The following C12orf75 variants were observed in gnomAD, a reference collection of about 807,000 sequenced individuals.
C12orf75 encodes overexpressed in colon carcinoma 1 protein.
A neutral mutation model predicts 11.4 loss-of-function variants in C12orf75; 4 were observed. The ratio of observed to expected loss-of-function variants is 0.35; its 90% CI spans 0.17 to 0.80. C12orf75 has a LOEUF of 0.80. Among genes scored for constraint, C12orf75 ranks in the 30% least tolerant of loss-of-function variants. The pLI is 0.52. For synonymous variants in C12orf75, 30 were observed against 30.0 expected (o/e 1.00, Z 0.00); for missense variants, 89 against 80.4 (o/e 1.11, Z -0.41).
chr12:105,337,499 C>T (rs1450300188), intron 1 of C12orf75, among the ~76,000 whole-genome samples: 1 of 151,986 alleles, frequency 6.6e-6, no homozygotes, highest in African/African-American at 2.4e-5. Flanking sequence ...GGAATTGGAA[C>T]AATTGATTGG....
intron 1 of C12orf75, among the ~76,000 whole-genome samples, chr12:105,343,249 A>G (rs1892595303): frequency 2.0e-5 from 3 of 152,144 alleles, no homozygotes; most frequent in Admixed American, 1.3e-4. Context: ...CACAAGAAAC[A>G]TTGTTACCTT....
chr12:105,332,933 A>C (rs1487687491), intron 1 of C12orf75, among the ~76,000 whole-genome samples: 1 of 151,522 alleles, frequency 6.6e-6, no homozygotes, highest in Non-Finnish European at 1.5e-5. Context: ...TCATATTGAA[A>C]AAAAAAAAAA....
chr12:105,368,278 C>T (rs901554661), intron 5 of C12orf75, among the ~76,000 whole-genome samples: 5 of 152,188 alleles, frequency 3.3e-5, no homozygotes, highest in African/African-American at 1.2e-4. Flanking sequence ...GCTGGGCTCT[C>T]CACTGTATTT....
chr12:105,348,583 A>G lies in C12orf75; in HGVS notation c.47-19A>G, dbSNP rs895453393. 10 of 1,521,446 alleles carry G rather than the reference A, an allele frequency of 6.6e-6. No homozygotes were observed. The African/African-American group carries it at 9.7e-5, about 15-fold the overall frequency. The allele number at this position is 1,521,446 out of a possible 1,614,324, so 94.2% of individuals were successfully genotyped here. On this transcript the variant is annotated intron_variant, in intron 1 of 5. Transcript: ENST00000443585. ...AATACTATCACACCAATACAAACCT[A>G]TCTTCTTTTTTTCTCTAGGCCCTGC...
chr12:105,330,917 C>G lies in C12orf75; in HGVS notation c.26C>G (p.Thr9Ser). MGCGNSTA[T>S]SAGAGQGPAG... is the part of the protein sequence containing the mutation. ...ATGGGCTGCGGGAACTCCACCGCCACCAGCGCGGGCGCGGGCCAAGGTGAG... is the reference window on the plus strand; with the variant it reads ...ATGGGCTGCGGGAACTCCACCGCCAGCAGCGCGGGCGCGGGCCAAGGTGAG... The change falls in exon 1 of 6, where the codon ACC becomes AGC. Residue 9 changes from threonine (T) to serine (S), a missense_variant. Coordinates refer to ENST00000443585, the MANE Select transcript of C12orf75 (RefSeq NM_001145199.2). 8.1e-7 allele frequency: 1 copy of G among 1,242,000 alleles called. No homozygotes were observed. Among genetic ancestry groups the G allele is most frequent in the East Asian group, 3.2e-5 (1 of 31,684 alleles). 76.9% of individuals were successfully genotyped at this position (1,242,000 alleles called of 1,614,324 possible). A position where few individuals can be genotyped will look rare whatever the true frequency, so the allele number is the denominator to read the frequency against.
At chr12:105,334,568 A>G (rs1279882282) in intron 1 of C12orf75, among the ~76,000 whole-genome samples, 2 of 152,238 alleles carry the variant, frequency 1.3e-5, no homozygotes, top group African/African-American at 4.8e-5. Flanking sequence ...CTGCAACTAT[A>G]TAAAGGATGC....
chr12:105,340,510 C>T (rs1031178161), intron 1 of C12orf75, among the ~76,000 whole-genome samples: 17 of 151,550 alleles, frequency 1.1e-4, no homozygotes, highest in East Asian at 1.9e-4. Context: ...AATAAAGTTC[C>T]GTTTGTGTCG....
intron 1 of C12orf75, among the ~76,000 whole-genome samples, chr12:105,347,132 C>A (rs1366797411): frequency 6.6e-6 from 1 of 152,118 alleles, no homozygotes; most frequent in Non-Finnish European, 1.5e-5. Flanking sequence ...CCTGTGCCTC[C>A]CAGATAAAGA....
intron 2 of C12orf75, among the ~76,000 whole-genome samples, chr12:105,349,861 A>G (rs998802267): frequency 1.3e-5 from 2 of 152,154 alleles, no homozygotes; most frequent in Non-Finnish European, 2.9e-5. Flanking sequence ...TGGGTGACAG[A>G]GCCAGACTCT....
intron 2 of C12orf75, among the ~76,000 whole-genome samples, chr12:105,359,129 T>C (rs1892824680): frequency 6.6e-6 from 1 of 152,196 alleles, no homozygotes; most frequent in African/African-American, 2.4e-5. Flanking sequence ...GCACCAACGT[T>C]TGACTCCATG....
intron 2 of C12orf75, 84 bp downstream of exon 2, chr12:105,348,710 T>A (rs1421623204): frequency 2.4e-6 from 2 of 843,988 alleles, no homozygotes; most frequent in Admixed American, 5.7e-5. Flanking sequence ...TAGATCTCTG[T>A]GGGTATGGCT....
intron 2 of C12orf75, among the ~76,000 whole-genome samples, chr12:105,364,525 G>A (rs1334748482): frequency 6.6e-6 from 1 of 152,116 alleles, no homozygotes; most frequent in Non-Finnish European, 1.5e-5. Flanking sequence ...ACTGGCTGTT[G>A]CAATAAAGCA....
At position 105,365,784 on chromosome 12, in the gene C12orf75, A is replaced by T. The variant is rs142456456; in HGVS notation, c.72-23A>T. ...CCGACTATGTAACCAAGTGTCTCATAGCAAATGTTTCTGACCTTTTAGAAC... is the reference window on the plus strand; with the variant it reads ...CCGACTATGTAACCAAGTGTCTCATTGCAAATGTTTCTGACCTTTTAGAAC... On this transcript the variant is annotated intron_variant, in intron 2 of 5. Transcript: ENST00000443585. 4.6e-4 allele frequency: 699 copies of T among 1,535,380 alleles called. 4 individuals carry two copies. In the African/African-American group the frequency reaches 7.9e-3, roughly 17 times the overall value.
intron 2 of C12orf75, among the ~76,000 whole-genome samples, chr12:105,351,604 C>T (rs1240416921): frequency 1.3e-5 from 2 of 152,028 alleles, no homozygotes; most frequent in African/African-American, 4.8e-5. Flanking sequence ...GAATTTAATG[C>T]TGGTCTTGGA....
At chr12:105,364,497 C>T (rs1425565663) in intron 2 of C12orf75, among the ~76,000 whole-genome samples, 1 of 152,040 alleles carries the variant, frequency 6.6e-6, no homozygotes, top group African/African-American at 2.4e-5. Flanking sequence ...CACTTTCCTT[C>T]TTTATAGACT....
intron 5 of C12orf75, among the ~76,000 whole-genome samples, chr12:105,370,323 G>A (rs1328037530): frequency 2.6e-5 from 4 of 152,148 alleles, no homozygotes; most frequent in African/African-American, 4.8e-5. Context: ...AATTGTGACC[G>A]AACAGTCTCT....
At chr12:105,353,317 G>A (rs1892737451) in intron 2 of C12orf75, among the ~76,000 whole-genome samples, 1 of 152,196 alleles carries the variant, frequency 6.6e-6, no homozygotes, top group Non-Finnish European at 1.5e-5. Flanking sequence ...CCTAATTCCT[G>A]TGGAAAAAAG....
intron 1 of C12orf75, among the ~76,000 whole-genome samples, chr12:105,335,846 TG>T (rs36038219): frequency 0.18 from 27,999 of 152,288 alleles, 2,916 homozygotes; most frequent in Non-Finnish European, 0.24. Context: ...ATGGATTTTT[TG>T]GTTCTTGAAA....
intron 2 of C12orf75, among the ~76,000 whole-genome samples, chr12:105,359,736 A>G (rs181401219): frequency 1.3e-5 from 2 of 148,748 alleles, no homozygotes; most frequent in Admixed American, 6.9e-5. Flanking sequence ...ACACCACTGC[A>G]CTCCAGTTGG....
Sources: allele counts gnomAD v4.1 joint callset (sites outside exome capture counted in the v4.1 genomes callset), GRCh38; gene constraint gnomAD v4.1.1; transcripts MANE v1.5; gene names NCBI Gene and HGNC (gene_info 2026-07-23, HGNC 2026-07-21).